Variants in JMY observed in about 807,000 individuals in gnomAD.
JMY encodes junction mediating and regulatory protein, p53 cofactor.
In JMY, 46 loss-of-function variants were observed where a neutral mutation model predicts 103.3. The observed-to-expected ratio is 0.45, with a 90% CI of 0.35 to 0.57. JMY has a LOEUF of 0.57. Ranked by LOEUF, JMY falls within the 20% of genes least tolerant of loss-of-function variation. The probability of loss-of-function intolerance (pLI) is 0.00; values close to 1 mark genes in which losing one functional copy is unlikely to be tolerated. For missense variants in JMY, 1,238 were observed against 1,255.2 expected, an observed-to-expected ratio of 0.99 and a Z score of 0.21; for synonymous variants, 526 against 489.3, an observed-to-expected ratio of 1.07 and a Z score of -0.99.
At chr5:79,270,491 A>ATAAATATT (rs1561297739) in intron 1 of JMY, among the ~76,000 whole-genome samples, 18 of 85,818 alleles carry the variant, frequency 2.1e-4, no homozygotes, top group African/African-American at 7.9e-4. Flanking sequence ...AAATATTTAC[A>ATAAATATT]TAAAATATAT....
At chr5:79,287,003 G>A (rs1204817628) in intron 2 of JMY, among the ~76,000 whole-genome samples, 4 of 152,060 alleles carry the variant, frequency 2.6e-5, no homozygotes, top group Non-Finnish European at 4.4e-5. Flanking sequence ...GCATAGAGGA[G>A]GAACCCCGTG....
At position 79,236,671 on chromosome 5, in the gene JMY, G is replaced by A. The variant is rs891789012; in HGVS notation, c.21G>A (p.Glu7=). Reference sequence around the variant, plus strand: ...CCACCATGTCGTTCGCGCTGGAGGAGACGCTCGAGTCGGACTGGGTGGCTG... The same window carrying A: ...CCACCATGTCGTTCGCGCTGGAGGAAACGCTCGAGTCGGACTGGGTGGCTG... MSFALE[E]TLESDWVAVR... The change falls in exon 1 of 11, where the codon GAG becomes GAA. Residue 7 remains glutamate (E), a synonymous_variant. Transcript: ENST00000396137. 6 of 1,472,358 alleles carry A rather than the reference G, an allele frequency of 4.1e-6. No individual in the cohort carries two copies. In the African/African-American group the frequency reaches 7.3e-5, roughly 18 times the overall value. The allele number at this position is 1,472,358 out of a possible 1,614,324, so 91.2% of individuals were successfully genotyped here. A position where few individuals can be genotyped will look rare whatever the true frequency, so the allele number is the denominator to read the frequency against.
At chr5:79,273,791 A>C (rs771646288) in intron 1 of JMY, among the ~76,000 whole-genome samples, 1 of 151,760 alleles carries the variant, frequency 6.6e-6, no homozygotes, top group African/African-American at 2.4e-5. Context: ...AGACCTTTTA[A>C]TATTGCCCCA....
chr5:79,283,252 G>T (rs1167786607), intron 2 of JMY, among the ~76,000 whole-genome samples: 1 of 151,988 alleles, frequency 6.6e-6, no homozygotes, highest in Non-Finnish European at 1.5e-5. Flanking sequence ...GCCTCCCAAA[G>T]TGCTGGGATT....
At chr5:79,258,810 C>T (rs902770276) in intron 1 of JMY, among the ~76,000 whole-genome samples, 5 of 152,154 alleles carry the variant, frequency 3.3e-5, no homozygotes, top group African/African-American at 1.2e-4. Flanking sequence ...CTGGGCTCCC[C>T]AGAGGGCCAC....
At position 79,236,963 on chromosome 5, in the gene JMY, C is replaced by G. The variant is rs1204904480; in HGVS notation, c.313C>G (p.Arg105Gly). 6.9e-7 allele frequency: 1 copy of G among 1,451,048 alleles called. No individual in the cohort carries two copies. The highest frequency in any genetic ancestry group is 2.8e-5 in the Admixed American group (1 of 35,884). 89.9% of individuals were successfully genotyped at this position (1,451,048 alleles called of 1,614,324 possible). Residue 105 changes from arginine (R) to glycine (G), a missense_variant, in exon 1 of 11, where the codon CGG becomes GGG. By Grantham distance (125) the Arg-to-Gly change is moderately radical. Coordinates refer to ENST00000396137, the MANE Select transcript of JMY (RefSeq NM_152405.5). The stretch of plus-strand genomic sequence containing the variant: ...AACTCTGGTTAGGAGCCCCGGGCCC[C>G]GGCGGAGCTCGGCCTGGGCGGAGGG... ...SATLVRSPGP[R>G]RSSAWAEGGS...
chr5:79,249,131 G>A (rs574523844), intron 1 of JMY, among the ~76,000 whole-genome samples: 1 of 151,448 alleles, frequency 6.6e-6, no homozygotes, highest in South Asian at 2.1e-4. Context: ...TTTATGAAAA[G>A]TAGGGTTAAA....
At chr5:79,291,090 TGTTA>T in intron 3 of JMY, 36 bp from the exon 4 acceptor site, 3 of 1,418,662 alleles carry the variant, frequency 2.1e-6, no homozygotes, top group Non-Finnish European at 2.8e-6. Context: ...AGTATTAAGT[TGTTA>T]TTTGTCTTAA....
intron 1 of JMY, among the ~76,000 whole-genome samples, chr5:79,264,625 C>G (rs552766507): frequency 2.5e-4 from 38 of 152,132 alleles, no homozygotes; most frequent in Non-Finnish European, 4.7e-4. Flanking sequence ...GCATTAAGGC[C>G]AACTTTGTTG....
chr5:79,281,863 TG>T (rs1197988471), intron 2 of JMY, among the ~76,000 whole-genome samples: 2 of 152,162 alleles, frequency 1.3e-5, no homozygotes, highest in African/African-American at 2.4e-5. Flanking sequence ...GGAAATATGC[TG>T]AGGAAAAGAC....
chr5:79,268,450 A>G (rs912113605), intron 1 of JMY, among the ~76,000 whole-genome samples: 1 of 152,014 alleles, frequency 6.6e-6, no homozygotes, highest in African/African-American at 2.4e-5. Flanking sequence ...CCCTAATGCT[A>G]TGTGATGTTG....
intron 2 of JMY, among the ~76,000 whole-genome samples, chr5:79,282,193 C>T (rs1431493214): frequency 1.3e-5 from 2 of 151,660 alleles, no homozygotes; most frequent in African/African-American, 2.4e-5. Context: ...GGTGACAGAG[C>T]GAGACACTGT....
At chr5:79,255,880 C>G (rs1179813779) in intron 1 of JMY, among the ~76,000 whole-genome samples, 5 of 152,244 alleles carry the variant, frequency 3.3e-5, no homozygotes, top group Non-Finnish European at 7.3e-5. Flanking sequence ...TGAGTCAGAC[C>G]TGAAGCCAGC....
At chr5:79,275,241 A>G (rs1001326166) in intron 1 of JMY, among the ~76,000 whole-genome samples, 2 of 151,446 alleles carry the variant, frequency 1.3e-5, no homozygotes, top group Non-Finnish European at 2.9e-5. Flanking sequence ...GCTCACTGCA[A>G]GCTCCGCCTC....
chr5:79,291,563 T>G lies in JMY; in HGVS notation c.1527+264T>G, dbSNP rs77188889. 3.4e-3 allele frequency among the ~76,000 whole-genome samples: 521 copies of G among 152,334 alleles called. 5 individuals are homozygous for G. Among genetic ancestry groups the G allele is most frequent in the African/African-American group, 0.012 (505 of 41,570 alleles). ...TCAGAATTTCTTAGTTGCTGTAAAG[T>G]TTTTAATACTGTAAAAACGTAAAGC... On this transcript the variant is annotated intron_variant, in intron 4 of 10. Coordinates refer to ENST00000396137, the MANE Select transcript of JMY (RefSeq NM_152405.5).
intron 7 of JMY, among the ~76,000 whole-genome samples, chr5:79,311,658 T>G (rs1358414713): frequency 3.9e-5 from 6 of 152,234 alleles, no homozygotes; most frequent in Admixed American, 3.9e-4. Flanking sequence ...GAGATTTTAT[T>G]ATATAGCTTT....
chr5:79,299,078 C>CCCTTTTGTTCCTCTCGTCTCCT (rs1158150654), intron 4 of JMY, among the ~76,000 whole-genome samples: 7 of 152,186 alleles, frequency 4.6e-5, no homozygotes, highest in Non-Finnish European at 8.8e-5. Context: ...TAATAATTTT[C>CCCTTTTGTTCCTCTCGTCTCCT]CCTTTTGTTC....
intron 2 of JMY, among the ~76,000 whole-genome samples, chr5:79,283,580 C>A (rs1746184118): frequency 6.6e-6 from 1 of 152,186 alleles, no homozygotes; most frequent in South Asian, 2.1e-4. Context: ...GAGATAGACA[C>A]CCCTTTAGGG....
At chr5:79,315,639 T>C (rs1747194561) in intron 9 of JMY, among the ~76,000 whole-genome samples, 4 of 152,142 alleles carry the variant, frequency 2.6e-5, no homozygotes, top group Admixed American at 2.6e-4. Flanking sequence ...AAAAACAAAA[T>C]GTGTAACCCC....
Sources: gnomAD v4.1 joint callset for allele counts (sites outside exome capture counted in the v4.1 genomes callset) on GRCh38, gnomAD v4.1.1 for gene constraint, MANE v1.5 for transcripts, NCBI Gene and HGNC (gene_info 2026-07-23, HGNC 2026-07-21) for gene names.